The following KCNN2 variants were observed in gnomAD, a reference collection of about 807,000 sequenced individuals.
KCNN2 encodes the protein small conductance calcium-activated potassium channel protein 2.
In KCNN2, 24 loss-of-function variants were observed where a neutral mutation model predicts 55.5. The ratio of observed to expected loss-of-function variants is 0.43; its 90% CI spans 0.31 to 0.61. The LOEUF (loss-of-function observed/expected upper bound fraction) is 0.61, where lower values mean the gene tolerates loss of function less well. Ranked by LOEUF, KCNN2 falls within the 20% of genes least tolerant of loss-of-function variation. KCNN2 has a pLI of 0.08. For synonymous variants in KCNN2, 431 were observed against 336.1 expected (o/e 1.28, Z -3.09); for missense variants, 754 against 853.6 (o/e 0.88, Z 1.45).
intron 2 of KCNN2, among the ~76,000 whole-genome samples, chr5:114,293,533 G>A (rs1484249668): frequency 6.6e-6 from 1 of 152,148 alleles, no homozygotes; most frequent in African/African-American, 2.4e-5. Flanking sequence ...TGCATCCCAG[G>A]GATGACGCCC....
chr5:114,093,143 C>T (rs1265810125), intron 1 of KCNN2, among the ~76,000 whole-genome samples: 3 of 152,104 alleles, frequency 2.0e-5, no homozygotes, highest in Non-Finnish European at 4.4e-5. Context: ...CTCTCAAGTT[C>T]AACGTTGAAC....
intron 1 of KCNN2, among the ~76,000 whole-genome samples, chr5:114,143,362 A>G (rs535252107): frequency 6.6e-6 from 1 of 152,322 alleles, no homozygotes; most frequent in South Asian, 2.1e-4. Context: ...GATATTAATC[A>G]GTAGTAATAG....
At chr5:114,180,836 C>T (rs1404335387) in intron 1 of KCNN2, among the ~76,000 whole-genome samples, 1 of 152,140 alleles carries the variant, frequency 6.6e-6, no homozygotes, top group Non-Finnish European at 1.5e-5. Context: ...CTGATTTTGT[C>T]TTACTATTTC....
intron 3 of KCNN2, among the ~76,000 whole-genome samples, chr5:114,449,900 ACACACACACG>A (rs33975523): frequency 0.42 from 59,787 of 141,200 alleles, 13,365 homozygotes; most frequent in East Asian, 0.77. Flanking sequence ...ACACACACAC[ACACACACACG>A]CGCGCGCTCG....
At chr5:114,344,838 C>T (rs895519906) in intron 2 of KCNN2, among the ~76,000 whole-genome samples, 1 of 152,142 alleles carries the variant, frequency 6.6e-6, no homozygotes, top group Admixed American at 6.6e-5. Flanking sequence ...AAAATTACAG[C>T]CCATTTAATT....
chr5:114,280,033 C>CA (rs1755589847), intron 2 of KCNN2, among the ~76,000 whole-genome samples: 1 of 152,146 alleles, frequency 6.6e-6, no homozygotes, highest in Non-Finnish European at 1.5e-5. Context: ...TTTTGATTTG[C>CA]ATTTCTCTGA....
At chr5:114,162,428 C>T (rs1752808001) in intron 1 of KCNN2, among the ~76,000 whole-genome samples, 1 of 152,190 alleles carries the variant, frequency 6.6e-6, no homozygotes, top group Non-Finnish European at 1.5e-5. Flanking sequence ...GGGTGCCTCC[C>T]AGTTAGGCTA....
intron 1 of KCNN2, among the ~76,000 whole-genome samples, chr5:114,113,539 G>T (rs534292286): frequency 4.3e-4 from 66 of 152,018 alleles, no homozygotes; most frequent in Non-Finnish European, 8.8e-4. Context: ...TTTATCTGAC[G>T]TTAGCTTTTC....
intron 1 of KCNN2, among the ~76,000 whole-genome samples, chr5:114,166,069 T>A (rs1047744216): frequency 3.9e-5 from 6 of 152,128 alleles, no homozygotes; most frequent in African/African-American, 1.4e-4. Flanking sequence ...TATTATTATT[T>A]TTAGTAGAAA....
intron 3 of KCNN2, among the ~76,000 whole-genome samples, chr5:114,410,238 T>G (rs1580802722): frequency 6.6e-6 from 1 of 152,288 alleles, no homozygotes; most frequent in East Asian, 1.9e-4. Flanking sequence ...CAATCCTGAC[T>G]TGTACCTTTT....
At chr5:114,197,777 A>G (rs1753589334) in intron 1 of KCNN2, among the ~76,000 whole-genome samples, 1 of 152,088 alleles carries the variant, frequency 6.6e-6, no homozygotes, top group Admixed American at 6.5e-5. Context: ...AGGAGCTCCT[A>G]CCTTCTTGAC....
At chr5:114,461,615 G>A (rs1013512079) in intron 3 of KCNN2, among the ~76,000 whole-genome samples, 3 of 152,108 alleles carry the variant, frequency 2.0e-5, no homozygotes, top group Non-Finnish European at 4.4e-5. Flanking sequence ...TCTCTTGTAT[G>A]TCCAAAGATA....
chr5:114,252,875 C>T (rs936593208), intron 2 of KCNN2, among the ~76,000 whole-genome samples: 5 of 152,074 alleles, frequency 3.3e-5, no homozygotes, highest in Non-Finnish European at 5.9e-5. Context: ...AGAGAAATGG[C>T]AGTCAATGCT....
At chr5:114,103,159 T>G (rs1012701240) in intron 1 of KCNN2, among the ~76,000 whole-genome samples, 1 of 152,186 alleles carries the variant, frequency 6.6e-6, no homozygotes. Context: ...CTACATCCTT[T>G]GTTAATTGTA....
intron 1 of KCNN2, among the ~76,000 whole-genome samples, chr5:114,110,300 A>ATC (rs138205461): frequency 0.046 from 6,989 of 152,158 alleles, 524 homozygotes; most frequent in African/African-American, 0.16. Context: ...TGGTGTGTAA[A>ATC]TTATTAGAAC....
rs569879758 is a variant in KCNN2 at position 114,434,080 on chromosome 5, A to AT, written c.1638-28962dup. 2.6e-5 allele frequency among the ~76,000 whole-genome samples: 4 copies of AT among 151,340 alleles called. No individual in the cohort carries two copies. The East Asian group carries it at 7.8e-4, about 29-fold the overall frequency. On this transcript the variant is annotated intron_variant, in intron 3 of 7. Transcript: ENST00000673685. ...ATTGCCCTTGTTCTGTTTTTTGTTA[A>AT]TTTTTTTGTCTTCTGCCCTTCTTCT...
chr5:114,316,371 A>G (rs1466728499), intron 2 of KCNN2, among the ~76,000 whole-genome samples: 4 of 152,208 alleles, frequency 2.6e-5, no homozygotes, highest in African/African-American at 9.7e-5. Context: ...TGTAGCTAAG[A>G]TACATCTGAG....
chr5:114,443,011 G>C (rs1760273676), intron 3 of KCNN2, among the ~76,000 whole-genome samples: 1 of 152,076 alleles, frequency 6.6e-6, no homozygotes, highest in African/African-American at 2.4e-5. Context: ...AAATGCTTAA[G>C]GCCGGGTGCA....
At chr5:114,096,953 T>G (rs914406262) in intron 1 of KCNN2, among the ~76,000 whole-genome samples, 1 of 152,196 alleles carries the variant, frequency 6.6e-6, no homozygotes, top group East Asian at 1.9e-4. Context: ...CTCCCTTATA[T>G]AGATGAGACA....
Sources: allele counts gnomAD v4.1 joint callset (sites outside exome capture counted in the v4.1 genomes callset), GRCh38; gene constraint gnomAD v4.1.1; transcripts MANE v1.5; gene names NCBI Gene and HGNC (gene_info 2026-07-23, HGNC 2026-07-21).